The following SEC24A variants were observed in gnomAD, a reference collection of about 807,000 sequenced individuals.
SEC24A encodes the protein SEC24 homolog A, COPII component.
In SEC24A, 93 loss-of-function variants were observed where a neutral mutation model predicts 129.4. The ratio of observed to expected loss-of-function variants is 0.72; its 90% CI spans 0.61 to 0.85. The LOEUF is 0.85. Among genes scored for constraint, SEC24A ranks in the 40% least tolerant of loss-of-function variants. The pLI is 0.00. For missense variants in SEC24A, 1,264 were observed against 1,307.4 expected (o/e 0.97, Z 0.51); for synonymous variants, 460 against 467.3 (o/e 0.98, Z 0.20).
chr5:134,654,142 G>A (rs1298766728), intron 1 of SEC24A, among the ~76,000 whole-genome samples: 1 of 151,598 alleles, frequency 6.6e-6, no homozygotes, highest in East Asian at 1.9e-4. Flanking sequence ...CTGGGCAACA[G>A]AGTGAGAACC....
At chr5:134,683,861 CTT>C (rs760508189) in intron 9 of SEC24A, among the ~76,000 whole-genome samples, 1 of 152,134 alleles carries the variant, frequency 6.6e-6, no homozygotes, top group South Asian at 2.1e-4. Flanking sequence ...TGAAAACAGA[CTT>C]AGGTTAAGTG....
intron 9 of SEC24A, among the ~76,000 whole-genome samples, chr5:134,683,022 G>A (rs1172063639): frequency 4.0e-5 from 6 of 151,540 alleles, no homozygotes; most frequent in South Asian, 2.1e-4. Flanking sequence ...TATTGGGCTC[G>A]TATTTACTTT....
At chr5:134,693,565 TA>T (rs1490846882) in intron 12 of SEC24A, 161 bp from the exon 13 acceptor site, 4 of 1,432,594 alleles carry the variant, frequency 2.8e-6, no homozygotes, top group Admixed American at 2.9e-5. Context: ...AATGTTGACT[TA>T]AAATGGCTTT....
chr5:134,683,366 C>T (rs1751340314), intron 9 of SEC24A, among the ~76,000 whole-genome samples: 1 of 151,744 alleles, frequency 6.6e-6, no homozygotes, highest in Non-Finnish European at 1.5e-5. Flanking sequence ...TTCCCTATTG[C>T]TTCATTTTTC....
chr5:134,724,963 T>G lies in SEC24A; in HGVS notation c.3168-17T>G. ...CTGCTACATTTTATCTAAATTTTTT[T>G]GCCTTTTATTCCTAAGGGATGAGAG... On this transcript the variant is annotated splice_polypyrimidine_tract_variant and intron_variant, in intron 22 of 22. Coordinates refer to ENST00000398844, the MANE Select transcript of SEC24A (RefSeq NM_021982.3). 1 of 1,307,084 alleles carries G rather than the reference T, an allele frequency of 7.7e-7. No homozygotes were observed. The highest frequency in any genetic ancestry group is 1.1e-6 in the Non-Finnish European group (1 of 905,100). The allele number at this position is 1,307,084 out of a possible 1,614,324, so 81.0% of individuals were successfully genotyped here.
intron 1 of SEC24A, among the ~76,000 whole-genome samples, chr5:134,653,738 G>T (rs935462756): frequency 2.0e-5 from 3 of 152,040 alleles, no homozygotes; most frequent in African/African-American, 7.2e-5. Context: ...TGCGGGCCCA[G>T]TAGTCCCAGC....
At chr5:134,649,485 C>T (rs1749974842) in intron 1 of SEC24A, among the ~76,000 whole-genome samples, 1 of 152,108 alleles carries the variant, frequency 6.6e-6, no homozygotes, top group African/African-American at 2.4e-5. Context: ...TGTTTGTGTG[C>T]CTTCGCCTTC....
At position 134,675,185 on chromosome 5, in the gene SEC24A, T is replaced by C. The variant is rs759578622; in HGVS notation, c.1119T>C (p.His373=). ...TPLKPPVPNL[H]EDIQKLNCNP... ...TGAAGCCTCCAGTTCCAAATTTGCA[T>C]GAAGACATCCAGAAACTCAACTGTA... Residue 373 remains histidine (H), a synonymous_variant, in exon 6 of 23, where the codon CAT becomes CAC. Transcript: ENST00000398844. 32 of 1,612,946 alleles carry C rather than the reference T, an allele frequency of 2.0e-5. No homozygotes were observed. Among genetic ancestry groups the C allele is most frequent in the Non-Finnish European group, 5.9e-6 (7 of 1,179,290 alleles).
chr5:134,694,616 C>T (rs987995206), intron 13 of SEC24A, among the ~76,000 whole-genome samples: 4 of 150,026 alleles, frequency 2.7e-5, no homozygotes, highest in African/African-American at 9.8e-5. Flanking sequence ...CACTGCACTC[C>T]AGCACTCCAG....
chr5:134,695,762 G>A (rs1168917518), intron 13 of SEC24A, among the ~76,000 whole-genome samples: 4 of 151,922 alleles, frequency 2.6e-5, no homozygotes, highest in Middle Eastern at 3.2e-3. Context: ...CTGAGCGACA[G>A]AGTGAGACTC....
intron 20 of SEC24A, 96 bp from the exon 21 acceptor site, chr5:134,720,902 A>G: frequency 1.6e-6 from 1 of 633,934 alleles, no homozygotes; most frequent in Non-Finnish European, 2.7e-6. Flanking sequence ...ACCCTATCTC[A>G]CAAATATATA....
chr5:134,682,684 C>G (rs1252111758), intron 9 of SEC24A, among the ~76,000 whole-genome samples: 1 of 152,104 alleles, frequency 6.6e-6, no homozygotes, highest in East Asian at 1.9e-4. Context: ...AAGTGATCCT[C>G]CCACCTCAGC....
chr5:134,657,181 C>T (rs1020291350), intron 1 of SEC24A, among the ~76,000 whole-genome samples: 1 of 145,672 alleles, frequency 6.9e-6, no homozygotes, highest in Non-Finnish European at 1.5e-5. Context: ...TTCTGAAAAA[C>T]GCACACACAC....
intron 4 of SEC24A, among the ~76,000 whole-genome samples, chr5:134,674,220 T>C (rs1750972903): frequency 6.6e-6 from 1 of 152,228 alleles, no homozygotes; most frequent in Admixed American, 6.5e-5. Flanking sequence ...AAAAATTTGA[T>C]AAATGAAAGT....
chr5:134,706,149 A>G (rs1283949319), intron 17 of SEC24A, among the ~76,000 whole-genome samples: 3 of 152,174 alleles, frequency 2.0e-5, no homozygotes, highest in Non-Finnish European at 2.9e-5. Flanking sequence ...GGCCTCCCAA[A>G]GTGTTGGGAT....
intron 5 of SEC24A, 121 bp from the exon 6 acceptor site, chr5:134,674,924 T>C (rs1751005709): frequency 2.2e-5 from 25 of 1,160,738 alleles, no homozygotes; most frequent in Non-Finnish European, 2.8e-5. Flanking sequence ...CTTTATACAT[T>C]TTTCCAGAAC....
intron 21 of SEC24A, among the ~76,000 whole-genome samples, chr5:134,721,455 C>G (rs1752625384): frequency 6.7e-6 from 1 of 148,192 alleles, no homozygotes; most frequent in African/African-American, 2.5e-5. Flanking sequence ...CCCAGCTACT[C>G]AGGAGATTGA....
intron 20 of SEC24A, among the ~76,000 whole-genome samples, chr5:134,719,439 C>T (rs1752571538): frequency 1.3e-5 from 2 of 150,380 alleles, no homozygotes; most frequent in African/African-American, 4.9e-5. Flanking sequence ...CATCTGTAAT[C>T]CCAACCTTTT....
intron 3 of SEC24A, among the ~76,000 whole-genome samples, chr5:134,668,761 T>C (rs1256106281): frequency 6.7e-6 from 1 of 149,570 alleles, no homozygotes; most frequent in African/African-American, 2.5e-5. Flanking sequence ...CCAGGAGTGG[T>C]GGTGGGCGCC....
Sources: allele counts gnomAD v4.1 joint callset (sites outside exome capture counted in the v4.1 genomes callset), GRCh38; gene constraint gnomAD v4.1.1; transcripts MANE v1.5; gene names NCBI Gene and HGNC (gene_info 2026-07-23, HGNC 2026-07-21).